Variants in GNB1 observed in about 807,000 individuals in gnomAD.
GNB1 encodes guanine nucleotide-binding protein G(I)/G(S)/G(T) subunit beta-1.
A neutral mutation model predicts 42.9 loss-of-function variants in GNB1; 2 were observed. The ratio of observed to expected loss-of-function variants is 0.05; its 90% CI spans 0.02 to 0.15. The LOEUF (loss-of-function observed/expected upper bound fraction) is 0.15. GNB1 is among the 10% of genes least tolerant of loss of function. The pLI is 1.00. For missense variants in GNB1, 193 were observed against 462.2 expected (o/e 0.42, Z 5.34); for synonymous variants, 183 against 174.7 (o/e 1.05, Z -0.38).
intron 2 of GNB1, among the ~76,000 whole-genome samples, chr1:1,837,196 C>T (rs557392767): frequency 1.3e-5 from 2 of 151,830 alleles, no homozygotes; most frequent in Non-Finnish European, 2.9e-5. Flanking sequence ...TTGCTTAATT[C>T]AAAATCTCAT....
intron 1 of GNB1, among the ~76,000 whole-genome samples, chr1:1,860,642 A>C (rs1648570761): frequency 7.0e-6 from 1 of 142,948 alleles, no homozygotes; most frequent in Non-Finnish European, 1.5e-5. Context: ...ATCTCCAACA[A>C]AAAAAAAAAA....
intron 1 of GNB1, among the ~76,000 whole-genome samples, chr1:1,879,022 C>A (rs906223582): frequency 6.6e-6 from 1 of 152,210 alleles, no homozygotes; most frequent in South Asian, 2.1e-4. Flanking sequence ...TCTTCCTCTG[C>A]ACATCCCTAA....
At chr1:1,866,782 G>A (rs1449313426) in intron 1 of GNB1, among the ~76,000 whole-genome samples, 1 of 150,776 alleles carries the variant, frequency 6.6e-6, no homozygotes, top group Non-Finnish European at 1.5e-5. Context: ...GTGAAACCCC[G>A]TTTCTACTAA....
chr1:1,806,460 T>A lies in GNB1; in HGVS notation c.267+15A>T, dbSNP rs1646696342. On this transcript the variant is annotated intron_variant, in intron 6 of 11. Coordinates refer to ENST00000378609, the MANE Select transcript of GNB1 (RefSeq NM_002074.5). ...TGGGTTGGTTTTTCAAGGAAGGGAATCCTCCAGTCCCTACCTTGTTGGTGG... is the reference window on the plus strand; with the variant it reads ...TGGGTTGGTTTTTCAAGGAAGGGAAACCTCCAGTCCCTACCTTGTTGGTGG... The A allele has an allele frequency of 6.5e-7, 1 of 1,548,938 alleles. No individual in the cohort carries two copies. The highest frequency in any genetic ancestry group is 1.7e-5 in the Admixed American group (1 of 59,520).
At chr1:1,822,051 C>T (rs1019956618) in intron 3 of GNB1, among the ~76,000 whole-genome samples, 7 of 152,088 alleles carry the variant, frequency 4.6e-5, no homozygotes, top group East Asian at 1.9e-4. Context: ...GAGCTGTGAT[C>T]GCACCACTGC....
chr1:1,883,086 T>G lies in GNB1; in HGVS notation c.-96+7734A>C, dbSNP rs115465398. Among the ~76,000 whole-genome samples, 647 of 150,026 alleles carry G rather than the reference T, an allele frequency of 4.3e-3. 7 individuals are homozygous for G. The highest frequency in any genetic ancestry group is 0.015 in the African/African-American group (614 of 40,830). On this transcript the variant is annotated intron_variant, in intron 1 of 11. Coordinates refer to ENST00000378609, the MANE Select transcript of GNB1 (RefSeq NM_002074.5). Reference sequence around the variant, plus strand: ...CAGGAGGATCACTTGAACCCAGGAGTTGGAGACCAGCCTGTCTCTACAAAC... The same window carrying G: ...CAGGAGGATCACTTGAACCCAGGAGGTGGAGACCAGCCTGTCTCTACAAAC...
At chr1:1,864,691 G>T (rs1199801946) in intron 1 of GNB1, among the ~76,000 whole-genome samples, 1 of 151,864 alleles carries the variant, frequency 6.6e-6, no homozygotes, top group East Asian at 1.9e-4. Context: ...GTATACGAAA[G>T]ACTTTTTCCA....
At chr1:1,820,811 CA>C (rs1646922041) in intron 3 of GNB1, among the ~76,000 whole-genome samples, 1 of 152,188 alleles carries the variant, frequency 6.6e-6, no homozygotes, top group African/African-American at 2.4e-5. Context: ...GTAAAAACAA[CA>C]CACAGATAAC....
chr1:1,871,066 A>C (rs1050368635), intron 1 of GNB1, among the ~76,000 whole-genome samples: 1 of 152,134 alleles, frequency 6.6e-6, no homozygotes, highest in Admixed American at 6.6e-5. Context: ...CTCCTCTTCC[A>C]TCTCCTATGT....
chr1:1,838,477 C>T (rs950981874), intron 2 of GNB1, among the ~76,000 whole-genome samples: 49 of 149,840 alleles, frequency 3.3e-4, no homozygotes, highest in African/African-American at 1.2e-3. Flanking sequence ...CGGAGTCTCG[C>T]TCTGTCCCAC....
chr1:1,859,460 C>A (rs1312494804), intron 1 of GNB1, among the ~76,000 whole-genome samples: 1 of 152,004 alleles, frequency 6.6e-6, no homozygotes, highest in African/African-American at 2.4e-5. Context: ...GCAGCCTGGG[C>A]AACAGAGGGA....
chr1:1,854,296 TAA>T (rs1648148321), intron 1 of GNB1, among the ~76,000 whole-genome samples: 1 of 152,172 alleles, frequency 6.6e-6, no homozygotes, highest in Non-Finnish European at 1.5e-5. Context: ...TGAACAGGTA[TAA>T]AGAGTCCCTG....
At chr1:1,844,470 C>T (rs1647512283) in intron 1 of GNB1, among the ~76,000 whole-genome samples, 1 of 151,754 alleles carries the variant, frequency 6.6e-6, no homozygotes, top group South Asian at 2.1e-4. Flanking sequence ...GCTAATTTAG[C>T]AATATTAAAT....
chr1:1,848,369 A>G (rs1214742882), intron 1 of GNB1, among the ~76,000 whole-genome samples: 7 of 151,650 alleles, frequency 4.6e-5, no homozygotes, highest in East Asian at 3.9e-4. Context: ...AAAAAAAAAA[A>G]AAAAAGAAAA....
At chr1:1,814,073 C>T (rs1646817626) in intron 5 of GNB1, among the ~76,000 whole-genome samples, 2 of 152,156 alleles carry the variant, frequency 1.3e-5, no homozygotes, top group Non-Finnish European at 2.9e-5. Context: ...ATCATCTCCC[C>T]ACTTCCCCAC....
At chr1:1,885,216 C>A (rs1650081364) in intron 1 of GNB1, among the ~76,000 whole-genome samples, 1 of 151,316 alleles carries the variant, frequency 6.6e-6, no homozygotes, top group South Asian at 2.1e-4. Context: ...AGTTTGAGAC[C>A]AGCCTGGCCA....
chr1:1,787,509 C>T lies in GNB1; in HGVS notation c.917-72G>A, dbSNP rs115850563. 818 of 902,042 alleles carry T rather than the reference C, an allele frequency of 9.1e-4. No homozygotes were observed. Among genetic ancestry groups the T allele is most frequent in the African/African-American group, 1.2e-3 (73 of 61,338 alleles). The allele number at this position is 902,042 out of a possible 1,614,324, so 55.9% of individuals were successfully genotyped here. ...ATCTCACCTGTGTGCCATGTTGTGA[C>T]GAGGACGGATGGTGCATCTCTCATG... is the stretch of plus-strand genomic sequence containing the variant. On this transcript the variant is annotated intron_variant, in intron 10 of 11. Transcript: ENST00000378609. This position sits in a 1 kb window ranked among gnomAD's most constrained non-coding sequence, Gnocchi z 4.4.
chr1:1,835,375 A>G (rs183229104), intron 2 of GNB1, among the ~76,000 whole-genome samples: 3 of 152,306 alleles, frequency 2.0e-5, no homozygotes, highest in Non-Finnish European at 4.4e-5. Context: ...GGGGACAGTA[A>G]TAGTCCCCAC....
At position 1,787,780 on chromosome 1, in the gene GNB1, C is replaced by T. The variant is rs953297467; in HGVS notation, c.917-343G>A. On this transcript the variant is annotated intron_variant, in intron 10 of 11. Transcript: ENST00000378609. The surrounding 1 kb of genome is among the most constrained non-coding windows in gnomAD (Gnocchi z 4.4). ...GACGCAGTGGCTTAGGCCTGTAATC[C>T]CAGCACGTTGGAAGGCCGAGGCAGG... 4.6e-5 allele frequency among the ~76,000 whole-genome samples: 7 copies of T among 152,106 alleles called. No individual in the cohort carries two copies. Among genetic ancestry groups the T allele is most frequent in the Non-Finnish European group, 4.4e-5 (3 of 68,020 alleles).
Sources: gnomAD v4.1 joint callset for allele counts (sites outside exome capture counted in the v4.1 genomes callset) on GRCh38, gnomAD v4.1.1 for gene constraint, Gnocchi (gnomAD v3.1) non-coding constraint, MANE v1.5 for transcripts, NCBI Gene and HGNC (gene_info 2026-07-23, HGNC 2026-07-21) for gene names.